Variants in NALF1 observed in about 807,000 individuals in gnomAD.
NALF1 encodes family with sequence similarity 155 member A.
Under a neutral mutation model 48.4 loss-of-function variants are expected in NALF1, and 3 were observed. The observed-to-expected ratio is 0.06, with a 90% CI of 0.03 to 0.16. The LOEUF (loss-of-function observed/expected upper bound fraction) is 0.16. Among genes scored for constraint, NALF1 ranks in the 10% least tolerant of loss-of-function variants. NALF1 has a pLI of 1.00. For missense variants in NALF1, 526 were observed against 571.5 expected (o/e 0.92, Z 0.81); for synonymous variants, 262 against 245.7 (o/e 1.07, Z -0.62).
chr13:107,198,240 G>A (rs1879434522), intron 2 of NALF1, among the ~76,000 whole-genome samples: 1 of 152,102 alleles, frequency 6.6e-6, no homozygotes, highest in Non-Finnish European at 1.5e-5. Flanking sequence ...TGAGCTGATG[G>A]GTTTTCAGAT....
chr13:107,636,800 A>G, intron 1 of NALF1, among the ~76,000 whole-genome samples: 1 of 151,188 alleles, frequency 6.6e-6, no homozygotes, highest in Non-Finnish European at 1.5e-5. Flanking sequence ...CTTTTCTCGC[A>G]CTTAAAAGTA....
chr13:107,865,994 C>G lies in NALF1; in HGVS notation c.603G>C (p.Gly201=), dbSNP rs143010139. The G allele has an allele frequency of 2.6e-4, 425 of 1,612,468 alleles. 1 individual carries two copies. In the African/African-American group the frequency reaches 5.1e-3, roughly 20 times the overall value. Residue 201 remains glycine (G), a synonymous_variant, in exon 1 of 3, where the codon GGG becomes GGC. Coordinates refer to ENST00000375915, the MANE Select transcript of NALF1 (RefSeq NM_001080396.3). ...TGCTCCTCACCTCCTGCCCGTCCCC[C>G]CCGGCCGCCCCCCGACTCCAGTTCC... The part of the protein sequence containing the change: ...CARNWSRGAA[G]GDGQEVRSKH...
chr13:107,311,992 A>G lies in NALF1; in HGVS notation c.916-101237T>C, dbSNP rs141193624. 4.7e-3 allele frequency among the ~76,000 whole-genome samples: 719 copies of G among 152,342 alleles called. 2 individuals are homozygous for G. Among genetic ancestry groups the G allele is most frequent in the Non-Finnish European group, 6.9e-3 (469 of 68,032 alleles). ...GTTGGTGGGACTGTAAACTAGTTTA[A>G]TCATTGTGGAAGTCAGTATGGCGAT... On this transcript the variant is annotated intron_variant, in intron 1 of 2. Coordinates refer to ENST00000375915, the MANE Select transcript of NALF1 (RefSeq NM_001080396.3).
At chr13:107,405,115 C>T (rs1883876626) in intron 1 of NALF1, among the ~76,000 whole-genome samples, 1 of 151,850 alleles carries the variant, frequency 6.6e-6, no homozygotes, top group Non-Finnish European at 1.5e-5. Context: ...TTATATTTTG[C>T]TAATAAGTAT....
chr13:107,265,709 T>A (rs1263022288), intron 1 of NALF1, among the ~76,000 whole-genome samples: 1 of 148,544 alleles, frequency 6.7e-6, no homozygotes, highest in Non-Finnish European at 1.5e-5. Context: ...CCTGGCCTAC[T>A]TTTTTTTTTG....
intron 1 of NALF1, among the ~76,000 whole-genome samples, chr13:107,399,002 T>G (rs1479262585): frequency 1.3e-5 from 2 of 152,206 alleles, no homozygotes; most frequent in Non-Finnish European, 2.9e-5. Context: ...TCCGGCCTGA[T>G]GACCATCTTC....
At chr13:107,422,803 G>C (rs559136103) in intron 1 of NALF1, among the ~76,000 whole-genome samples, 2 of 152,084 alleles carry the variant, frequency 1.3e-5, no homozygotes, top group East Asian at 3.9e-4. Flanking sequence ...TCCTTATAAG[G>C]GAAAAGGAGA....
At chr13:107,729,623 C>T (rs1428709361) in intron 1 of NALF1, among the ~76,000 whole-genome samples, 1 of 151,858 alleles carries the variant, frequency 6.6e-6, no homozygotes, top group Admixed American at 6.6e-5. Context: ...ATTACAGGCG[C>T]CCACCACCAC....
intron 1 of NALF1, among the ~76,000 whole-genome samples, chr13:107,570,178 CTTTT>C (rs34262011): frequency 6.7e-6 from 1 of 149,308 alleles, no homozygotes; most frequent in Admixed American, 6.7e-5. Context: ...AATGTATATG[CTTTT>C]TTTTTTCTTG....
intron 1 of NALF1, among the ~76,000 whole-genome samples, chr13:107,391,876 T>C (rs138659686): frequency 0.023 from 3,489 of 152,194 alleles, 158 homozygotes; most frequent in African/African-American, 0.079. Flanking sequence ...CCTGACCACC[T>C]TGGGCACATG....
At chr13:107,177,944 G>A (rs1003372774) in intron 2 of NALF1, among the ~76,000 whole-genome samples, 5 of 152,172 alleles carry the variant, frequency 3.3e-5, no homozygotes, top group East Asian at 3.9e-4. Flanking sequence ...GCTATGGGGA[G>A]CCTGAGGCAG....
At chr13:107,703,743 G>A (rs1881881643) in intron 1 of NALF1, among the ~76,000 whole-genome samples, 1 of 152,016 alleles carries the variant, frequency 6.6e-6, no homozygotes, top group Non-Finnish European at 1.5e-5. Flanking sequence ...TTCCCCCGGA[G>A]TCCTTCAGTC....
chr13:107,351,905 G>A (rs1882883215), intron 1 of NALF1, among the ~76,000 whole-genome samples: 1 of 152,218 alleles, frequency 6.6e-6, no homozygotes, highest in South Asian at 2.1e-4. Context: ...GAAACCAGAA[G>A]CGGGCACTTC....
intron 1 of NALF1, among the ~76,000 whole-genome samples, chr13:107,609,274 C>G (rs531440122): frequency 1.3e-5 from 2 of 152,164 alleles, no homozygotes; most frequent in African/African-American, 4.8e-5. Flanking sequence ...AAATCTTCGC[C>G]GAGAGCAGTT....
intron 1 of NALF1, among the ~76,000 whole-genome samples, chr13:107,276,045 C>T (rs1486300008): frequency 6.6e-5 from 10 of 152,134 alleles, no homozygotes; most frequent in East Asian, 1.9e-4. Flanking sequence ...CCCAGCATGA[C>T]GGATCCAAGA....
At chr13:107,191,850 T>TG (rs1246985899) in intron 2 of NALF1, among the ~76,000 whole-genome samples, 1 of 148,830 alleles carries the variant, frequency 6.7e-6, no homozygotes, top group Non-Finnish European at 1.5e-5. Context: ...TTTTTTTTTT[T>TG]TTTGTATTTT....
chr13:107,390,940 A>G (rs547638073), intron 1 of NALF1, among the ~76,000 whole-genome samples: 3 of 152,000 alleles, frequency 2.0e-5, no homozygotes, highest in Admixed American at 6.6e-5. Flanking sequence ...AAGAAAAGAC[A>G]GACACTGATC....
At chr13:107,769,531 G>A in intron 1 of NALF1, among the ~76,000 whole-genome samples, 1 of 118,814 alleles carries the variant, frequency 8.4e-6, no homozygotes, top group Admixed American at 1.1e-4. Flanking sequence ...CGCACTCTGG[G>A]AACTGTTGTG....
intron 1 of NALF1, among the ~76,000 whole-genome samples, chr13:107,367,993 G>A (rs1284208195): frequency 6.6e-6 from 1 of 152,152 alleles, no homozygotes; most frequent in East Asian, 1.9e-4. Context: ...TGGATGGTGG[G>A]AATACTTTCA....
Sources: gnomAD v4.1 joint callset for allele counts (sites outside exome capture counted in the v4.1 genomes callset) on GRCh38, gnomAD v4.1.1 for gene constraint, MANE v1.5 for transcripts, NCBI Gene and HGNC (gene_info 2026-07-23, HGNC 2026-07-21) for gene names.